The following ELK1 variants were observed in gnomAD, a reference collection of about 807,000 sequenced individuals.
ELK1 encodes the protein ETS transcription factor ELK1.
For missense variants in ELK1, 254 were observed against 381.5 expected (o/e 0.67, Z 2.78); for synonymous variants, 163 against 176.3 (o/e 0.92, Z 0.60).
intron 2 of ELK1, among the ~76,000 whole-genome samples, chrX:47,646,113 CT>C (rs1332991454): frequency 1.3e-4 from 14 of 106,911 alleles, no homozygotes; most frequent in East Asian, 1.2e-3. Flanking sequence ...GAGGGGTTGA[CT>C]TTTTTTTTTG....
intron 2 of ELK1, among the ~76,000 whole-genome samples, chrX:47,643,719 T>A (rs1007836891): frequency 6.4e-5 from 7 of 109,776 alleles, no homozygotes; most frequent in African/African-American, 2.4e-4. Context: ...TTTTTTTTTT[T>A]AATGGGCATT....
chrX:47,643,708 A>AT (rs5902398), intron 2 of ELK1, among the ~76,000 whole-genome samples: 36 of 104,721 alleles, frequency 3.4e-4, no homozygotes, highest in Non-Finnish European at 3.2e-4. Context: ...CTGTACTGTT[A>AT]TTTTTTTTTT....
At position 47,637,838 on chromosome X, in the gene ELK1, G is replaced by A. The variant is rs1288036341; in HGVS notation, c.999C>T (p.Pro333=). 4 of 1,195,360 alleles carry A rather than the reference G, an allele frequency of 3.3e-6. No homozygotes were observed. In the South Asian group the frequency reaches 5.5e-5, roughly 16 times the overall value. Residue 333 remains proline (P), a synonymous_variant, in exon 5 of 7, where the codon CCC becomes CCT. Transcript: ENST00000376983. The part of the protein sequence containing the change: ...LSPSLLGGPG[P]ERTPGSGSGS... Reference sequence around the variant, plus strand: ...CACTTCCCGATCCTGGGGTCCGTTCGGGTCCCGGCCCACCTAGCAGGCTCG... The same window carrying A: ...CACTTCCCGATCCTGGGGTCCGTTCAGGTCCCGGCCCACCTAGCAGGCTCG...
At chrX:47,639,412 A>C in intron 3 of ELK1, 74 bp from the exon 4 acceptor site, 32 of 399,183 alleles carry the variant, frequency 8.0e-5, no homozygotes, top group Non-Finnish European at 1.2e-4. Flanking sequence ...AGGGGGGAGG[A>C]GGGGGGTGGA....
chrX:47,650,577 G>A (rs375321526), upstream of ELK1: 2 of 298,026 alleles, frequency 6.7e-6, no homozygotes, highest in African/African-American at 5.7e-5. Flanking sequence ...CCGCCCCTGC[G>A]TTTCCCTACA....
intron 3 of ELK1, among the ~76,000 whole-genome samples, chrX:47,640,273 G>A (rs1308299818): frequency 9.0e-6 from 1 of 110,710 alleles, no homozygotes; most frequent in East Asian, 2.8e-4. Flanking sequence ...AATAAAATAT[G>A]AAAATGGAAT....
At chrX:47,641,097 G>A (rs2058027004) in intron 3 of ELK1, 135 bp downstream of exon 3, 1 of 731,975 alleles carries the variant, frequency 1.4e-6, no homozygotes, top group South Asian at 2.5e-5. Flanking sequence ...CTGGTCTTAG[G>A]GTACCAATGG....
chrX:47,638,313 A>AGTGCAGAGTGCGCCCCTATGTCCTGTT, intron 4 of ELK1, 131 bp from the exon 5 acceptor site: 2 of 831,161 alleles, frequency 2.4e-6, no homozygotes, highest in Non-Finnish European at 3.4e-6. Flanking sequence ...CATCAGAGCA[A>AGTGCAGAGTGCGCCCCTATGTCCTGTT]GTCCTCCAAC....
chrX:47,639,546 C>G (rs1276297541), intron 3 of ELK1, among the ~76,000 whole-genome samples: 1 of 111,590 alleles, frequency 9.0e-6, no homozygotes, highest in Non-Finnish European at 1.9e-5. Context: ...TCTTTCCTCT[C>G]CCGCCAGATT....
At chrX:47,642,808 A>T (rs2058032889) in intron 2 of ELK1, among the ~76,000 whole-genome samples, 1 of 111,417 alleles carries the variant, frequency 9.0e-6, no homozygotes, top group South Asian at 3.7e-4. Context: ...CATGTTGGCC[A>T]GACTGGTCTT....
intron 2 of ELK1, among the ~76,000 whole-genome samples, chrX:47,642,406 G>T (rs954507681): frequency 9.5e-6 from 1 of 105,795 alleles, no homozygotes; most frequent in African/African-American, 3.4e-5. Flanking sequence ...TTTTCAGGAG[G>T]TTTTTTTTTT....
At chrX:47,636,983 C>A (rs2058010651) in intron 6 of ELK1, 30 bp downstream of exon 6, 3 of 1,202,510 alleles carry the variant, frequency 2.5e-6, no homozygotes, top group Non-Finnish European at 3.4e-6. Context: ...GGTCTCTCAC[C>A]CTGTCCAAAA....
intron 3 of ELK1, among the ~76,000 whole-genome samples, 160 bp from the exon 4 acceptor site, chrX:47,639,498 T>C (rs1201641339): frequency 9.0e-6 from 1 of 110,862 alleles, no homozygotes; most frequent in Non-Finnish European, 1.9e-5. Context: ...TCTGTAAGTT[T>C]CTCTCTCAGC....
chrX:47,644,718 T>C (rs140335475), intron 2 of ELK1, among the ~76,000 whole-genome samples: 2,719 of 108,998 alleles, frequency 0.025, 94 homozygotes, highest in African/African-American at 0.086. Context: ...GCAGGTGACA[T>C]GGGGAGAGGA....
intron 2 of ELK1, among the ~76,000 whole-genome samples, chrX:47,648,448 G>C (rs902442027): frequency 8.9e-6 from 1 of 112,314 alleles, no homozygotes; most frequent in Admixed American, 9.4e-5. Flanking sequence ...TATATAAACT[G>C]GCATTCTTAG....
At chrX:47,649,783 G>A (rs1215078553) in intron 2 of ELK1, 138 bp downstream of exon 2, 1 of 93,424 alleles carries the variant, frequency 1.1e-5, no homozygotes, top group African/African-American at 4.0e-5. Flanking sequence ...CTAAAGGGAC[G>A]TGAATCCAAA....
At position 47,650,198 on chromosome X, in the gene ELK1, G is replaced by C. The variant is rs896800374; in HGVS notation, c.-140-172C>G. ...GCGTGGGGAAAAACATAAGCACGCA[G>C]ACCGATCCATTATACAACGGGAGGG... On this transcript the variant is annotated intron_variant, in intron 1 of 6. Transcript: ENST00000376983. 5.4e-5 allele frequency among the ~76,000 whole-genome samples: 6 copies of C among 110,399 alleles called. No individual in the cohort carries two copies. The East Asian group carries it at 1.7e-3, about 32-fold the overall frequency.
chrX:47,642,188 T>G (rs1290942145), intron 2 of ELK1, among the ~76,000 whole-genome samples: 1 of 112,315 alleles, frequency 8.9e-6, no homozygotes, highest in African/African-American at 3.2e-5. Flanking sequence ...GATTTTCCCC[T>G]AGAGCCTCCA....
At chrX:47,642,019 G>A (rs1272760365) in intron 2 of ELK1, among the ~76,000 whole-genome samples, 1 of 112,016 alleles carries the variant, frequency 8.9e-6, no homozygotes, top group African/African-American at 3.2e-5. Context: ...GCCATTGTTG[G>A]CTTTGAAGAT....
Sources: gnomAD v4.1 joint callset for allele counts (sites outside exome capture counted in the v4.1 genomes callset) on GRCh38, gnomAD v4.1.1 for gene constraint, MANE v1.5 for transcripts, NCBI Gene and HGNC (gene_info 2026-07-23, HGNC 2026-07-21) for gene names.